UBXN11: variants seen among roughly 807,000 people sequenced by gnomAD.
UBXN11 encodes the protein UBX domain protein 11, also known as UBX domain-containing protein 11.
A neutral mutation model predicts 62.8 loss-of-function variants in UBXN11; 47 were observed. That is an observed-to-expected ratio of 0.75 (90% confidence interval 0.59 to 0.95). The LOEUF (loss-of-function observed/expected upper bound fraction) is 0.95, where lower values mean the gene tolerates loss of function less well. Ranked by LOEUF, UBXN11 falls within the 40% of genes least tolerant of loss-of-function variation. The pLI, the probability that UBXN11 is intolerant of heterozygous loss-of-function variation, is 0.00. For synonymous variants in UBXN11, 294 were observed against 267.0 expected, an observed-to-expected ratio of 1.10 and a Z score of -0.99; for missense variants, 638 against 661.7, an observed-to-expected ratio of 0.96 and a Z score of 0.39.
intron 1 of UBXN11, among the ~76,000 whole-genome samples, chr1:26,304,292 C>T (rs1268095235): frequency 6.6e-6 from 1 of 152,168 alleles, no homozygotes; most frequent in Non-Finnish European, 1.5e-5. Flanking sequence ...CCAAATCTGT[C>T]CCCACCCTGC....
At chr1:26,297,886 C>T (rs1049559775) in intron 5 of UBXN11, 76 bp downstream of exon 5, 1 of 1,504,560 alleles carries the variant, frequency 6.6e-7, no homozygotes, top group African/African-American at 1.4e-5. Context: ...CCACCCTAGT[C>T]CAACTCCTGG....
At position 26,282,698 on chromosome 1, in the gene UBXN11, G is replaced by C. The variant is rs2073028054; in HGVS notation, c.1243C>G (p.Gln415Glu). The C allele has an allele frequency of 6.2e-7, 1 of 1,614,048 alleles. No individual in the cohort carries two copies. Among genetic ancestry groups the C allele is most frequent in the African/African-American group, 1.3e-5 (1 of 74,938 alleles). Residue 415 changes from glutamine (Q) to glutamate (E), a missense_variant, in exon 14 of 15, where the codon CAG becomes GAG. By Grantham distance (29) the Gln-to-Glu change is conservative. Coordinates refer to ENST00000374222, the MANE Select transcript of UBXN11 (RefSeq NM_001389556.1). ...ACGTCCCCAATGGTGTTGTCAGGCT[G>C]CATCATCAGTAGGAAGGCCTGTTCC... is the stretch of plus-strand genomic sequence containing the variant. ...NGEQAFLLMMQPDNTIGDVRA... is the reference protein window; with the variant it reads ...NGEQAFLLMMEPDNTIGDVRA...
At chr1:26,310,549 AG>A (rs759190440), upstream of UBXN11, among the ~76,000 whole-genome samples, 529 of 93,620 alleles carry the variant, frequency 5.7e-3, 3 homozygotes, top group Non-Finnish European at 0.01. Context: ...AAAAAAAAAA[AG>A]AAAGAAAGAA....
rs1302937356 is a variant in UBXN11 at position 26,306,591 on chromosome 1, C to CCACGCAGGGCCGCTAGCCGT, written c.-55_-36dup. The CCACGCAGGGCCGCTAGCCGT allele has an allele frequency of 2.0e-5, 3 of 152,260 alleles. No homozygotes were observed. The highest frequency in any genetic ancestry group is 2.1e-4 in the South Asian group (1 of 4,834). 9.4% of individuals were successfully genotyped at this position (152,260 alleles called of 1,614,324 possible). A position where few individuals can be genotyped will look rare whatever the true frequency, so the allele number is the denominator to read the frequency against. ...GCAGAAAGGTCTTAAGCCAGACTCA[C>CCACGCAGGGCCGCTAGCCGT]CACGCAGGGCCGCTAGCCGTCCCGC... is the stretch of plus-strand genomic sequence containing the variant. On this transcript the variant is annotated splice_region_variant and 5_prime_UTR_variant. Transcript: ENST00000374222.
At chr1:26,304,114 G>A (rs2073605806) in intron 1 of UBXN11, among the ~76,000 whole-genome samples, 1 of 152,168 alleles carries the variant, frequency 6.6e-6, no homozygotes, top group Non-Finnish European at 1.5e-5. Flanking sequence ...GTCTGGTTCT[G>A]GCCTCAACCC....
intron 1 of UBXN11, among the ~76,000 whole-genome samples, chr1:26,306,076 CAT>C (rs1284125978): frequency 6.6e-6 from 1 of 152,164 alleles, no homozygotes; most frequent in Non-Finnish European, 1.5e-5. Flanking sequence ...AGGGCAGGGG[CAT>C]ATCTCTTTCT....
At chr1:26,283,859 G>A (rs1442182385) in intron 12 of UBXN11, among the ~76,000 whole-genome samples, 1 of 152,208 alleles carries the variant, frequency 6.6e-6, no homozygotes, top group African/African-American at 2.4e-5. Flanking sequence ...TACTGAGTTG[G>A]ATATTTTGGC....
chr1:26,306,172 G>A (rs1011286321), intron 1 of UBXN11: 1 of 152,348 alleles, frequency 6.6e-6, no homozygotes, highest in Admixed American at 6.5e-5. Flanking sequence ...CTACCCCTCA[G>A]GCCAAAAGGT....
intron 1 of UBXN11, among the ~76,000 whole-genome samples, chr1:26,314,170 A>C (rs1183388403): frequency 6.6e-6 from 1 of 152,178 alleles, no homozygotes; most frequent in African/African-American, 2.4e-5. Flanking sequence ...TAGTTATTTG[A>C]AAATTTGATT....
chr1:26,296,183 C>T (rs958874965), intron 7 of UBXN11, among the ~76,000 whole-genome samples: 1 of 152,238 alleles, frequency 6.6e-6, no homozygotes, highest in African/African-American at 2.4e-5. Context: ...CCTCTAGTTC[C>T]CTTGCTGTTT....
At chr1:26,285,363 G>A in intron 10 of UBXN11, 101 bp downstream of exon 10, 1 of 1,546,850 alleles carries the variant, frequency 6.5e-7, no homozygotes, top group Non-Finnish European at 8.7e-7. Context: ...CCCCCAGGGA[G>A]TGCAGCGGCT....
intron 7 of UBXN11, among the ~76,000 whole-genome samples, 167 bp from the exon 8 acceptor site, chr1:26,294,498 T>G (rs1306706009): frequency 6.6e-6 from 1 of 152,224 alleles, no homozygotes; most frequent in Non-Finnish European, 1.5e-5. Flanking sequence ...GCTGTGACCT[T>G]GGAAAGCCAC....
Position 26,300,982 on chromosome 1 carries a change from T to C in UBXN11, c.143A>G (p.Glu48Gly), listed in dbSNP as rs369832089. ...ATAGCAGGAAGGGACTGAGATCTTT[T>C]CTTCTGAGCCACACCCATCACTCAA... ...DMLSDGCGSE[E>G]KISVPSCYGG... The change falls in exon 4 of 15, where the codon GAA (glutamate) becomes GGA (glycine). Residue 48 changes from glutamate (E) to glycine (G), a missense_variant. Glu to Gly is a moderately conservative substitution (Grantham distance 98). Coordinates refer to ENST00000374222, the MANE Select transcript of UBXN11 (RefSeq NM_001389556.1). 2 of 1,614,152 alleles carry C rather than the reference T, an allele frequency of 1.2e-6. No individual in the cohort carries two copies. Among genetic ancestry groups the C allele is most frequent in the Non-Finnish European group, 1.7e-6 (2 of 1,179,994 alleles).
chr1:26,286,079 T>G, intron 8 of UBXN11, 42 bp from the exon 9 acceptor site: 2 of 1,544,300 alleles, frequency 1.3e-6, no homozygotes, highest in Non-Finnish European at 1.8e-6. Context: ...CTTTTGGCTG[T>G]CATGTCCCTA....
At chr1:26,305,556 C>T in intron 1 of UBXN11, among the ~76,000 whole-genome samples, 1 of 152,012 alleles carries the variant, frequency 6.6e-6, no homozygotes, top group East Asian at 1.9e-4. Context: ...GTTCTATAGA[C>T]TTGCCCACAC....
At chr1:26,306,819 C>G (rs2073678572), upstream of UBXN11, 1 of 4,848 alleles carries the variant, frequency 2.1e-4, no homozygotes, top group Non-Finnish European at 5.9e-4. Context: ...GCTCCAGGTC[C>G]GGGGCGGGGT....
chr1:26,300,931 C>T lies in UBXN11; in HGVS notation c.194G>A (p.Arg65Gln), dbSNP rs536230329. The change falls in exon 4 of 15, where the codon CGG becomes CAG. Residue 65 changes from arginine to glutamine, a missense_variant. Arg to Gln is a conservative substitution (Grantham distance 43). Coordinates refer to ENST00000374222, the MANE Select transcript of UBXN11 (RefSeq NM_001389556.1). ...CTTCAGGCCTCTGCTCTCACCTTGC[C>T]GACTCACAGGGGCACCTATGCCGCC... is the stretch of plus-strand genomic sequence containing the variant. ...CYGGIGAPVS[R>Q]QVPASHDSEL... is the part of the protein sequence containing the mutation. The T allele has an allele frequency of 2.3e-5, 37 of 1,614,224 alleles. No individual in the cohort carries two copies. The highest frequency in any genetic ancestry group is 1.0e-4 in the Admixed American group (6 of 60,030).
chr1:26,296,538 G>A (rs531348247), intron 7 of UBXN11, among the ~76,000 whole-genome samples: 1 of 152,322 alleles, frequency 6.6e-6, no homozygotes, highest in African/African-American at 2.4e-5. Context: ...AGCTCCATGA[G>A]GTCAAAGACC....
chr1:26,287,408 G>A (rs2073157842), intron 8 of UBXN11, among the ~76,000 whole-genome samples: 1 of 152,148 alleles, frequency 6.6e-6, no homozygotes, highest in African/African-American at 2.4e-5. Flanking sequence ...TGGAGGGCAG[G>A]TAGATGCTGG....
Sources: allele counts gnomAD v4.1 joint callset (sites outside exome capture counted in the v4.1 genomes callset), GRCh38; gene constraint gnomAD v4.1.1; transcripts MANE v1.5; gene names NCBI Gene and HGNC (gene_info 2026-07-23, HGNC 2026-07-21).